HCK: variants seen among roughly 807,000 people sequenced by gnomAD.
The protein encoded by HCK is tyrosine-protein kinase HCK.
In HCK, 40 loss-of-function variants were observed where a neutral mutation model predicts 70.4. The ratio of observed to expected loss-of-function variants is 0.57; its 90% CI spans 0.44 to 0.74. HCK has a LOEUF of 0.74. Among genes scored for constraint, HCK ranks in the 30% least tolerant of loss-of-function variants. The probability of loss-of-function intolerance (pLI) is 0.00; values close to 1 mark genes in which losing one functional copy is unlikely to be tolerated. For synonymous variants in HCK, 245 were observed against 263.2 expected, an observed-to-expected ratio of 0.93 and a Z score of 0.67; for missense variants, 568 against 697.2, an observed-to-expected ratio of 0.81 and a Z score of 2.09.
At chr20:32,074,325 A>G (rs562302524) in intron 4 of HCK, among the ~76,000 whole-genome samples, 1 of 152,260 alleles carries the variant, frequency 6.6e-6, no homozygotes, top group African/African-American at 2.4e-5. Context: ...GGACCCTGCC[A>G]TGGGTATAGC....
At chr20:32,088,224 A>G (rs2045817025) in intron 9 of HCK, among the ~76,000 whole-genome samples, 1 of 152,144 alleles carries the variant, frequency 6.6e-6, no homozygotes, top group African/African-American at 2.4e-5. Context: ...ATTTTTTGAT[A>G]AACAGAATCA....
intron 9 of HCK, among the ~76,000 whole-genome samples, chr20:32,087,710 C>T (rs1375306273): frequency 2.0e-5 from 3 of 151,946 alleles, no homozygotes; most frequent in African/African-American, 7.2e-5. Flanking sequence ...GGCACAATCT[C>T]GGCTCAATGC....
chr20:32,061,401 CTGGGAGCAGCCCATGAGAGCAGTGA>C (rs983775622), intron 1 of HCK, among the ~76,000 whole-genome samples: 6 of 152,336 alleles, frequency 3.9e-5, no homozygotes, highest in Non-Finnish European at 7.3e-5. Context: ...CAGTCATTGG[CTGGGAGCAGCCCATGAGAGCAGTGA>C]TGGACTTCAG....
intron 1 of HCK, among the ~76,000 whole-genome samples, chr20:32,061,116 T>A (rs1435804087): frequency 6.6e-6 from 1 of 152,180 alleles, no homozygotes; most frequent in Non-Finnish European, 1.5e-5. Context: ...CCTGAGTAGC[T>A]AGGATTACAA....
chr20:32,063,992 CTTTTTTTT>C (rs58620860), intron 1 of HCK, among the ~76,000 whole-genome samples: 7 of 54,210 alleles, frequency 1.3e-4, no homozygotes, highest in East Asian at 6.8e-4. Context: ...ATCTCTACTT[CTTTTTTTT>C]TTTTTTTTTT....
At chr20:32,061,853 TG>T (rs1286763930) in intron 1 of HCK, among the ~76,000 whole-genome samples, 1 of 151,382 alleles carries the variant, frequency 6.6e-6, no homozygotes, top group African/African-American at 2.4e-5. Context: ...TTACCCACCT[TG>T]GAGAGGACTT....
In HCK at chr20:32,071,734, C is replaced by A. The variant is rs34774796; in HGVS notation, c.135C>A (p.Ser45Arg). 6.2e-7 allele frequency: 1 copy of A among 1,614,106 alleles called. No individual in the cohort carries two copies. Among genetic ancestry groups the A allele is most frequent in the Admixed American group, 1.7e-5 (1 of 60,012 alleles). Residue 45 changes from serine to arginine, a missense_variant, in exon 2 of 13, where the codon AGC becomes AGA. This residue lies in a region of HCK where 318 missense variants were observed against 336.0 expected (regional missense o/e 0.95). Coordinates refer to ENST00000375852, the MANE Select transcript of HCK (RefSeq NM_002110.5). ...TCTCAAAAACTGAAACCAGCGCCAG[C>A]CCACACTGTCCTGTGTACGTGCCGG...
chr20:32,068,595 A>C (rs753146662), intron 1 of HCK, among the ~76,000 whole-genome samples: 2 of 152,086 alleles, frequency 1.3e-5, no homozygotes, highest in Non-Finnish European at 2.9e-5. Context: ...CACATTTTAC[A>C]CAAATTTGAC....
chr20:32,056,216 A>T (rs927506598), intron 1 of HCK, among the ~76,000 whole-genome samples: 1 of 152,214 alleles, frequency 6.6e-6, no homozygotes. Context: ...GGGTCATATA[A>T]AAGTTCTATC....
At chr20:32,063,155 T>C (rs1351096684) in intron 1 of HCK, among the ~76,000 whole-genome samples, 1 of 152,208 alleles carries the variant, frequency 6.6e-6, no homozygotes, top group Non-Finnish European at 1.5e-5. Context: ...AATAACTTCA[T>C]AATTCTGGTC....
Position 32,052,452 on chromosome 20 carries a change from C to T in HCK, c.28C>T (p.Pro10Ser). Reference sequence around the variant, plus strand: ...GGGGGGGCGCTCAAGCTGCGAGGATCCGGGCTGCCCGCGAGACGAGGAGCG... The same window carrying T: ...GGGGGGGCGCTCAAGCTGCGAGGATTCGGGCTGCCCGCGAGACGAGGAGCG... The change falls in exon 1 of 13, where the codon CCG (proline) becomes TCG (serine). Residue 10 changes from proline to serine, a missense_variant. This residue lies in a region of HCK where 318 missense variants were observed against 336.0 expected (regional missense o/e 0.95). Coordinates refer to ENST00000375852, the MANE Select transcript of HCK (RefSeq NM_002110.5). The T allele has an allele frequency of 7.9e-7, 1 of 1,269,196 alleles. No individual in the cohort carries two copies. The allele number at this position is 1,269,196 out of a possible 1,614,324, so 78.6% of individuals were successfully genotyped here.
intron 11 of HCK, among the ~76,000 whole-genome samples, chr20:32,097,585 C>CATAA (rs367698836): frequency 0.031 from 4,663 of 151,498 alleles, 216 homozygotes; most frequent in African/African-American, 0.098. Flanking sequence ...TGTCTCAAAA[C>CATAA]ATAAATAAAT....
chr20:32,078,215 T>G (rs971105016), intron 5 of HCK, among the ~76,000 whole-genome samples: 7 of 150,854 alleles, frequency 4.6e-5, no homozygotes, highest in Non-Finnish European at 5.9e-5. Context: ...TTTTTTTTTT[T>G]TTTGTATTTT....
intron 11 of HCK, among the ~76,000 whole-genome samples, chr20:32,094,944 A>T (rs1331473148): frequency 6.6e-6 from 1 of 152,212 alleles, no homozygotes; most frequent in Admixed American, 6.5e-5. Context: ...AGACCAAAAA[A>T]AAAGAGTAGA....
At chr20:32,100,870 C>T (rs889369813) in intron 12 of HCK, among the ~76,000 whole-genome samples, 12 of 152,190 alleles carry the variant, frequency 7.9e-5, no homozygotes, top group African/African-American at 2.9e-4. Context: ...CAAAGAGTAA[C>T]TGAAATAGAA....
In HCK at chr20:32,081,033, G is replaced by A. The variant is rs559878289; in HGVS notation, c.532+1156G>A. 2.2e-4 allele frequency among the ~76,000 whole-genome samples: 33 copies of A among 152,078 alleles called. 1 individual carries two copies. The South Asian group carries it at 5.2e-3, about 24-fold the overall frequency. On this transcript the variant is annotated intron_variant, in intron 6 of 12. Transcript: ENST00000375852. ...GAGTCCAGGAGTTCAAGGCTGCAGCGAGCCATAATGGAGCCACTAGACTCC... is the reference window on the plus strand; with the variant it reads ...GAGTCCAGGAGTTCAAGGCTGCAGCAAGCCATAATGGAGCCACTAGACTCC...
chr20:32,075,597 C>T (rs553680372), intron 5 of HCK, among the ~76,000 whole-genome samples: 19 of 152,294 alleles, frequency 1.2e-4, no homozygotes, highest in African/African-American at 4.3e-4. Context: ...AGATATATCC[C>T]TACCCTCAAG....
intron 6 of HCK, 135 bp from the exon 7 acceptor site, chr20:32,083,759 C>A (rs1196548662): frequency 6.1e-6 from 6 of 991,144 alleles, no homozygotes; most frequent in Non-Finnish European, 9.4e-6. Context: ...TCCCACAGCC[C>A]ACTCAGACCC....
intron 5 of HCK, among the ~76,000 whole-genome samples, chr20:32,077,304 T>C (rs564451804): frequency 2.0e-5 from 3 of 152,246 alleles, no homozygotes; most frequent in East Asian, 1.9e-4. Flanking sequence ...TGGGGAAGCA[T>C]GCAGAAGAGT....
Sources: allele counts gnomAD v4.1 joint callset (sites outside exome capture counted in the v4.1 genomes callset), GRCh38; gene constraint gnomAD v4.1.1; regional missense constraint gnomAD v4.1.1; transcripts MANE v1.5; gene names NCBI Gene and HGNC (gene_info 2026-07-23, HGNC 2026-07-21).